The following AGBL1 variants were observed in gnomAD, a reference collection of about 807,000 sequenced individuals.
The protein encoded by AGBL1 is AGBL carboxypeptidase 1.
A neutral mutation model predicts 118.9 loss-of-function variants in AGBL1; 130 were observed. That is an observed-to-expected ratio of 1.09 (90% CI 0.95 to 1.26). The LOEUF is 1.26. Ranked by LOEUF, AGBL1 falls within the 50% of genes most tolerant of loss-of-function variation. The pLI is 0.00. For synonymous variants in AGBL1, 555 were observed against 478.9 expected (o/e 1.16, Z -2.08); for missense variants, 1,584 against 1,298.1 (o/e 1.22, Z -3.38).
chr15:86,327,656 G>C (rs533708847), intron 17 of AGBL1, among the ~76,000 whole-genome samples: 8 of 152,310 alleles, frequency 5.3e-5, no homozygotes, highest in African/African-American at 1.9e-4. Context: ...GAACCATTGT[G>C]AGCATATGGC....
chr15:86,876,300 G>T (rs2079807245), intron 22 of AGBL1, among the ~76,000 whole-genome samples: 1 of 152,048 alleles, frequency 6.6e-6, no homozygotes, highest in South Asian at 2.1e-4. Context: ...TGTGCTTCGG[G>T]GCAGGACTCC....
chr15:86,248,172 C>T (rs2078752213), intron 7 of AGBL1, among the ~76,000 whole-genome samples: 1 of 152,134 alleles, frequency 6.6e-6, no homozygotes, highest in Non-Finnish European at 1.5e-5. Flanking sequence ...CAAAAATTAG[C>T]TGGGTGTGGT....
At chr15:86,584,673 G>T (rs2084220565) in intron 21 of AGBL1, among the ~76,000 whole-genome samples, 1 of 151,998 alleles carries the variant, frequency 6.6e-6, no homozygotes, top group South Asian at 2.1e-4. Context: ...GCTCTTTCTT[G>T]GTTCCATATG....
intron 24 of AGBL1, among the ~76,000 whole-genome samples, chr15:87,018,616 A>C (rs1248309802): frequency 6.6e-6 from 1 of 152,110 alleles, no homozygotes. Flanking sequence ...AGGAAGCACT[A>C]AATATGGAAA....
At chr15:86,348,742 C>A (rs995558549) in intron 17 of AGBL1, among the ~76,000 whole-genome samples, 2 of 148,034 alleles carry the variant, frequency 1.4e-5, no homozygotes, top group African/African-American at 5.0e-5. Flanking sequence ...TGAGCCACTG[C>A]ACTTCAGCCT....
At chr15:86,430,572 A>G (rs991303527) in intron 18 of AGBL1, among the ~76,000 whole-genome samples, 1 of 152,080 alleles carries the variant, frequency 6.6e-6, no homozygotes, top group Non-Finnish European at 1.5e-5. Flanking sequence ...AAGCAGTGAT[A>G]TAATCTTATC....
At chr15:86,200,698 C>A (rs567451337) in intron 5 of AGBL1, among the ~76,000 whole-genome samples, 54 of 151,494 alleles carry the variant, frequency 3.6e-4, no homozygotes, top group Non-Finnish European at 6.5e-4. Context: ...CTCACTGCAA[C>A]CTCTGCCTCC....
intron 22 of AGBL1, among the ~76,000 whole-genome samples, chr15:86,778,613 C>T (rs187955030): frequency 3.3e-5 from 5 of 152,340 alleles, no homozygotes; most frequent in African/African-American, 9.6e-5. Context: ...TTCCACCTGG[C>T]TCACTGGCAG....
intron 23 of AGBL1, among the ~76,000 whole-genome samples, chr15:86,977,490 T>C (rs1032246078): frequency 1.3e-5 from 2 of 151,782 alleles, no homozygotes; most frequent in African/African-American, 4.8e-5. Flanking sequence ...AGAGATTAAT[T>C]TATGCCATTA....
At chr15:86,484,138 C>T (rs1309897279) in intron 18 of AGBL1, among the ~76,000 whole-genome samples, 1 of 152,124 alleles carries the variant, frequency 6.6e-6, no homozygotes, top group African/African-American at 2.4e-5. Flanking sequence ...CTGGCTTGAG[C>T]AGCTGCTGAA....
intron 21 of AGBL1, among the ~76,000 whole-genome samples, chr15:86,669,694 T>A (rs1315750212): frequency 2.0e-5 from 3 of 152,168 alleles, no homozygotes; most frequent in Non-Finnish European, 2.9e-5. Flanking sequence ...TTTAAAACAT[T>A]TTTTCCAGGT....
intron 22 of AGBL1, among the ~76,000 whole-genome samples, chr15:86,801,329 C>G (rs1182279285): frequency 6.6e-6 from 1 of 151,642 alleles, no homozygotes; most frequent in Non-Finnish European, 1.5e-5. Context: ...ATCTATCTAT[C>G]TATCTATCTA....
At chr15:86,354,910 A>C (rs527535060) in intron 17 of AGBL1, among the ~76,000 whole-genome samples, 10 of 152,354 alleles carry the variant, frequency 6.6e-5, no homozygotes, top group Non-Finnish European at 1.5e-5. Context: ...TGTGGAAGCC[A>C]GAAAGGCTAA....
chr15:86,767,913 C>A (rs550141764), intron 22 of AGBL1, among the ~76,000 whole-genome samples: 2 of 152,066 alleles, frequency 1.3e-5, no homozygotes, highest in South Asian at 4.2e-4. Flanking sequence ...TTGCATAACT[C>A]AACCTTTTTG....
chr15:86,208,632 G>T (rs1400399746), intron 5 of AGBL1, among the ~76,000 whole-genome samples: 1 of 152,028 alleles, frequency 6.6e-6, no homozygotes, highest in Non-Finnish European at 1.5e-5. Flanking sequence ...ATTCTGTGAC[G>T]GTAGTTTGTA....
At chr15:86,486,751 T>C (rs188267203) in intron 18 of AGBL1, among the ~76,000 whole-genome samples, 20 of 152,184 alleles carry the variant, frequency 1.3e-4, no homozygotes, top group African/African-American at 4.8e-4. Flanking sequence ...CTTTTGGAGC[T>C]CAAATCCTCC....
intron 21 of AGBL1, among the ~76,000 whole-genome samples, chr15:86,629,512 C>G (rs925465417): frequency 2.6e-5 from 4 of 152,126 alleles, no homozygotes; most frequent in Admixed American, 6.5e-5. Flanking sequence ...CACTCAAACC[C>G]CACACATTCA....
chr15:86,804,547 A>T (rs2078692442), intron 22 of AGBL1, among the ~76,000 whole-genome samples: 1 of 152,192 alleles, frequency 6.6e-6, no homozygotes, highest in African/African-American at 2.4e-5. Flanking sequence ...AATGGAAGGA[A>T]GCGAAGCCAA....
chr15:86,845,900 ATGTATGACTCTATTG>A (rs2079310797), intron 22 of AGBL1, among the ~76,000 whole-genome samples: 4 of 152,182 alleles, frequency 2.6e-5, no homozygotes, highest in African/African-American at 7.2e-5. Context: ...CCTGCTAAAT[ATGTATGACTCTATTG>A]TGTGACACAG....
Sources: gnomAD v4.1 joint callset for allele counts (sites outside exome capture counted in the v4.1 genomes callset) on GRCh38, gnomAD v4.1.1 for gene constraint, MANE v1.5 for transcripts, NCBI Gene and HGNC (gene_info 2026-07-23, HGNC 2026-07-21) for gene names.